AGAP1: variants seen among roughly 807,000 people sequenced by gnomAD.
AGAP1 encodes the protein ArfGAP with GTPase domain, ankyrin repeat and PH domain 1, also known as arf-GAP with GTPase, ANK repeat and PH domain-containing protein 1.
Under a neutral mutation model 105.3 loss-of-function variants are expected in AGAP1, and 29 were observed. That is an observed-to-expected ratio of 0.28 (90% confidence interval 0.21 to 0.38). The LOEUF (loss-of-function observed/expected upper bound fraction) is 0.38. AGAP1 is among the 10% of genes least tolerant of loss of function. AGAP1 has a pLI of 1.00. For synonymous variants in AGAP1, 509 were observed against 485.9 expected, an observed-to-expected ratio of 1.05 and a Z score of -0.63; for missense variants, 998 against 1,165.1, an observed-to-expected ratio of 0.86 and a Z score of 2.09.
At chr2:236,079,511 G>A (rs1031604505) in intron 16 of AGAP1, among the ~76,000 whole-genome samples, 5 of 151,304 alleles carry the variant, frequency 3.3e-5, no homozygotes, top group South Asian at 2.1e-4. Flanking sequence ...TCCAGCCTGG[G>A]TGACAGAGAC....
At chr2:235,579,249 G>A (rs1242685711) in intron 1 of AGAP1, among the ~76,000 whole-genome samples, 1 of 152,144 alleles carries the variant, frequency 6.6e-6, no homozygotes, top group East Asian at 1.9e-4. Context: ...GCAGAGCCGG[G>A]CTCAGTTTAC....
intron 1 of AGAP1, among the ~76,000 whole-genome samples, chr2:235,617,429 C>T (rs1193466377): frequency 3.9e-5 from 6 of 152,114 alleles, no homozygotes; most frequent in African/African-American, 4.8e-5. Context: ...TGGCCAGGTG[C>T]GGTGGCTCAC....
rs776918824 is a variant in AGAP1 at position 235,751,492 on chromosome 2, G to A, written c.673+1004G>A. 8.5e-5 allele frequency among the ~76,000 whole-genome samples: 13 copies of A among 152,262 alleles called. No individual in the cohort carries two copies. The highest frequency in any genetic ancestry group is 3.1e-4 in the African/African-American group (13 of 41,546). On this transcript the variant is annotated intron_variant, in intron 6 of 17. Transcript: ENST00000304032. The surrounding 1 kb of genome is among the most constrained non-coding windows in gnomAD (Gnocchi z 5.3). Reference sequence around the variant, plus strand: ...TTCAAGGTGATGGAGGACTCGCCGCGCTCTGACCTTGAAGACCCACGGTGA... The same window carrying A: ...TTCAAGGTGATGGAGGACTCGCCGCACTCTGACCTTGAAGACCCACGGTGA...
In AGAP1 at chr2:235,614,523, T is replaced by A. The variant is rs186693165; in HGVS notation, c.164-94656T>A. Among the ~76,000 whole-genome samples the A allele has an allele frequency of 6.6e-6, 1 of 152,264 alleles. No individual in the cohort carries two copies. Among genetic ancestry groups the A allele is most frequent in the Admixed American group, 6.5e-5 (1 of 15,276 alleles). On this transcript the variant is annotated intron_variant, in intron 1 of 17. Coordinates refer to ENST00000304032, the MANE Select transcript of AGAP1 (RefSeq NM_001037131.3). This position sits in a 1 kb window ranked among gnomAD's most constrained non-coding sequence, Gnocchi z 4.7. Reference sequence around the variant, plus strand: ...ACATGGCGAGGGGTGGGGGCTTTGCTCTTTAGCCCGTGAGCAGTGGAAAGT... The same window carrying A: ...ACATGGCGAGGGGTGGGGGCTTTGCACTTTAGCCCGTGAGCAGTGGAAAGT...
At chr2:235,500,290 CG>C (rs1941505338) in intron 1 of AGAP1, among the ~76,000 whole-genome samples, 1 of 152,026 alleles carries the variant, frequency 6.6e-6, no homozygotes, top group South Asian at 2.1e-4. Flanking sequence ...CGAGAGCAAA[CG>C]TGAGTGTGTG....
rs563302874 is a variant in AGAP1 at position 235,891,302 on chromosome 2, G to C, written c.1155+7853G>C. 6.6e-6 allele frequency among the ~76,000 whole-genome samples: 1 copy of C among 152,088 alleles called. No homozygotes were observed. Among genetic ancestry groups the C allele is most frequent in the South Asian group, 2.1e-4 (1 of 4,816 alleles). ...ACGCTGGCTGATGCTGCTGCTCTGC[G>C]GTCTACATTTTTGTGTCTTTGAAAA... On this transcript the variant is annotated intron_variant, in intron 10 of 17. Transcript: ENST00000304032. The surrounding 1 kb of genome is among the most constrained non-coding windows in gnomAD (Gnocchi z 4.2).
chr2:236,060,364 T>C (rs1198885722), intron 16 of AGAP1, among the ~76,000 whole-genome samples: 1 of 152,166 alleles, frequency 6.6e-6, no homozygotes, highest in Non-Finnish European at 1.5e-5. Flanking sequence ...AAATTAAATA[T>C]CCAGTAGGGA....
At chr2:235,648,098 CT>C (rs1306689199) in intron 1 of AGAP1, among the ~76,000 whole-genome samples, 1 of 152,206 alleles carries the variant, frequency 6.6e-6, no homozygotes, top group Non-Finnish European at 1.5e-5. Context: ...AAGTTTTTAG[CT>C]TTAGCTAATT....
chr2:235,742,482 C>A (rs1952648862), intron 4 of AGAP1, among the ~76,000 whole-genome samples: 1 of 152,106 alleles, frequency 6.6e-6, no homozygotes, highest in African/African-American at 2.4e-5. Flanking sequence ...CAAGGAAAGA[C>A]CTTGAAGACG....
In AGAP1 at chr2:235,882,490, C is replaced by T; in HGVS notation, c.1051-855C>T. The T allele has an allele frequency of 1.9e-6, 3 of 1,538,960 alleles. No individual in the cohort carries two copies. The highest frequency in any genetic ancestry group is 2.3e-5 in the South Asian group (2 of 88,750). On this transcript the variant is annotated intron_variant, in intron 9 of 17. Transcript: ENST00000304032. This position sits in a 1 kb window ranked among gnomAD's most constrained non-coding sequence, Gnocchi z 4.6. The stretch of plus-strand genomic sequence containing the variant: ...ATTCCCCCCACGTCTGGTTTGTCTG[C>T]CATTTTCTTAAAACAATCGGTACCA...
chr2:235,641,339 T>TCTTC (rs1168367208), intron 1 of AGAP1, among the ~76,000 whole-genome samples: 1 of 151,096 alleles, frequency 6.6e-6, no homozygotes, highest in Non-Finnish European at 1.5e-5. Flanking sequence ...TCCCTCCCTC[T>TCTTC]CTTCCTTCCT....
Position 235,875,582 on chromosome 2 carries a change from C to T in AGAP1, c.1051-7763C>T, listed in dbSNP as rs1462632372. On this transcript the variant is annotated intron_variant, in intron 9 of 17. Transcript: ENST00000304032. This position sits in a 1 kb window ranked among gnomAD's most constrained non-coding sequence, Gnocchi z 4.0. ...GGACACGTGATTCCCAGCACGTTTCCTGAGGTTCCGCCTGCAGCCCGGGCC... is the reference window on the plus strand; with the variant it reads ...GGACACGTGATTCCCAGCACGTTTCTTGAGGTTCCGCCTGCAGCCCGGGCC... Among the ~76,000 whole-genome samples, 1 of 152,164 alleles carries T rather than the reference C, an allele frequency of 6.6e-6. No individual in the cohort carries two copies. Among genetic ancestry groups the T allele is most frequent in the African/African-American group, 2.4e-5 (1 of 41,432 alleles).
At chr2:235,697,140 G>A (rs977967382) in intron 1 of AGAP1, among the ~76,000 whole-genome samples, 2 of 152,200 alleles carry the variant, frequency 1.3e-5, no homozygotes, top group Admixed American at 6.5e-5. Context: ...AGGTCTGCGT[G>A]GAAAGGGTGT....
rs1398357575 is a variant in AGAP1, at chr2:235,970,184, CG to C, written c.1645+1562del. 1.5e-5 allele frequency among the ~76,000 whole-genome samples: 2 copies of C among 130,674 alleles called. No homozygotes were observed. The highest frequency in any genetic ancestry group is 5.9e-5 in the African/African-American group (2 of 33,990). The allele number at this position is 130,674 out of a possible 152,430, so 85.7% of individuals were successfully genotyped here. On this transcript the variant is annotated intron_variant, in intron 13 of 17. Transcript: ENST00000304032. This position sits in a 1 kb window ranked among gnomAD's most constrained non-coding sequence, Gnocchi z 5.4. ...GCCACTGCACTCCAGCCTGGGCGGG[CG>C]ACAGAGTGAGACTCTGTCTTTAAAA...
intron 1 of AGAP1, among the ~76,000 whole-genome samples, chr2:235,498,573 G>C (rs1941423691): frequency 6.6e-6 from 1 of 152,224 alleles, no homozygotes; most frequent in Admixed American, 6.5e-5. Flanking sequence ...CATTGAGGTA[G>C]ATGAATTAAC....
At chr2:235,730,584 G>A (rs1019691152) in intron 3 of AGAP1, among the ~76,000 whole-genome samples, 2 of 151,680 alleles carry the variant, frequency 1.3e-5, no homozygotes, top group African/African-American at 2.4e-5. Context: ...GGGTTCAAGC[G>A]ATCTTCTTGA....
rs1952786119 is a variant in AGAP1 at position 235,744,580 on chromosome 2, A to G, written c.397-118A>G. 8.0e-7 allele frequency: 1 copy of G among 1,250,612 alleles called. No homozygotes were observed. The allele number at this position is 1,250,612 out of a possible 1,614,324, so 77.5% of individuals were successfully genotyped here. On this transcript the variant is annotated intron_variant, in intron 4 of 17. Coordinates refer to ENST00000304032, the MANE Select transcript of AGAP1 (RefSeq NM_001037131.3). This position sits in a 1 kb window ranked among gnomAD's most constrained non-coding sequence, Gnocchi z 5.2. ...AGTGACAGTCAAAAGTCAAGCACCC[A>G]GTGTGTGACCGAGGGGATTCCTGCA...
At chr2:235,687,158 G>C (rs1280577434) in intron 1 of AGAP1, among the ~76,000 whole-genome samples, 1 of 152,140 alleles carries the variant, frequency 6.6e-6, no homozygotes, top group East Asian at 1.9e-4. Flanking sequence ...ATGCACCCTA[G>C]CTCTAAAAGT....
intron 1 of AGAP1, among the ~76,000 whole-genome samples, chr2:235,638,729 G>A (rs957609262): frequency 6.6e-5 from 10 of 152,330 alleles, no homozygotes; most frequent in African/African-American, 2.2e-4. Flanking sequence ...GGCTGCTCTG[G>A]CTTGCCAGTG....
Sources: allele counts gnomAD v4.1 joint callset (sites outside exome capture counted in the v4.1 genomes callset), GRCh38; gene constraint gnomAD v4.1.1; non-coding constraint Gnocchi (gnomAD v3.1); transcripts MANE v1.5; gene names NCBI Gene and HGNC (gene_info 2026-07-23, HGNC 2026-07-21).